Variants in KCNH8 observed in about 807,000 individuals in gnomAD.
KCNH8 encodes potassium voltage-gated channel subfamily H member 8, also known as voltage-gated delayed rectifier potassium channel KCNH8.
KCNH8 carries 70 observed loss-of-function variants against 103.6 expected under a neutral mutation model. That is an observed-to-expected ratio of 0.68 (90% CI 0.56 to 0.82). The LOEUF (loss-of-function observed/expected upper bound fraction) is 0.82, where lower values mean the gene tolerates loss of function less well. KCNH8 is among the 40% of genes least tolerant of loss of function. The pLI is 0.00. For synonymous variants in KCNH8, 498 were observed against 489.4 expected, an observed-to-expected ratio of 1.02 and a Z score of -0.23; for missense variants, 1,217 against 1,329.9, an observed-to-expected ratio of 0.92 and a Z score of 1.32.
intron 5 of KCNH8, among the ~76,000 whole-genome samples, chr3:19,385,927 A>G (rs2125127778): frequency 6.6e-6 from 1 of 152,336 alleles, no homozygotes; most frequent in Admixed American, 6.5e-5. Flanking sequence ...TATGTGGTGC[A>G]TATGCTTTCA....
chr3:19,394,481 GAGAGAA>G (rs2066484641), intron 6 of KCNH8, among the ~76,000 whole-genome samples: 1 of 144,968 alleles, frequency 6.9e-6, no homozygotes, highest in Admixed American at 6.9e-5. Flanking sequence ...AGCGCTGAGA[GAGAGAA>G]AGAGAGAGAG....
intron 5 of KCNH8, among the ~76,000 whole-genome samples, chr3:19,385,137 A>G (rs901218821): frequency 2.6e-5 from 4 of 152,166 alleles, no homozygotes; most frequent in Non-Finnish European, 4.4e-5. Flanking sequence ...GGGAGAGGAC[A>G]ATGTATTCTG....
chr3:19,258,931 C>G (rs1297984890), intron 2 of KCNH8, among the ~76,000 whole-genome samples: 1 of 83,314 alleles, frequency 1.2e-5, no homozygotes, highest in Non-Finnish European at 2.5e-5. Context: ...CTCTCTCTCT[C>G]TCTCTCTCTC....
intron 5 of KCNH8, among the ~76,000 whole-genome samples, chr3:19,385,428 C>A (rs1000342717): frequency 5.3e-5 from 8 of 152,196 alleles, no homozygotes; most frequent in Non-Finnish European, 1.2e-4. Context: ...CCTACAGATA[C>A]AAAGCAAAAG....
At chr3:19,373,640 C>T (rs1271602296) in intron 5 of KCNH8, among the ~76,000 whole-genome samples, 1 of 151,622 alleles carries the variant, frequency 6.6e-6, no homozygotes, top group East Asian at 1.9e-4. Context: ...TTATTTCTTG[C>T]CTTCTGCTAG....
chr3:19,357,985 G>T (rs1467005172), intron 5 of KCNH8, among the ~76,000 whole-genome samples: 1 of 151,760 alleles, frequency 6.6e-6, no homozygotes, highest in Non-Finnish European at 1.5e-5. Flanking sequence ...TTACTGTGCA[G>T]ATTATAAAGG....
intron 10 of KCNH8, among the ~76,000 whole-genome samples, chr3:19,454,144 CTGTGTGTGTGTGTG>C (rs372400109): frequency 0.045 from 5,870 of 131,602 alleles, 248 homozygotes; most frequent in East Asian, 0.25. Context: ...AGTAAGGCTT[CTGTGTGTGTGTGTG>C]TGTGTGTGTG....
Position 19,360,446 on chromosome 3 carries a change from A to G in KCNH8, c.811+12481A>G, listed in dbSNP as rs191115876. Among the ~76,000 whole-genome samples the G allele has an allele frequency of 5.6e-4, 85 of 152,138 alleles. 1 individual carries two copies. Among genetic ancestry groups the G allele is most frequent in the Middle Eastern group, 6.8e-3 (2 of 294 alleles). On this transcript the variant is annotated intron_variant, in intron 5 of 15. Coordinates refer to ENST00000328405, the MANE Select transcript of KCNH8 (RefSeq NM_144633.3). ...TATAGATAAAAGTTATCGTTAACACAATTACTCATATTCTTTTGTATATGT... is the reference window on the plus strand; with the variant it reads ...TATAGATAAAAGTTATCGTTAACACGATTACTCATATTCTTTTGTATATGT...
chr3:19,486,299 G>A (rs1416987662), intron 11 of KCNH8, among the ~76,000 whole-genome samples: 1 of 152,222 alleles, frequency 6.6e-6, no homozygotes. Context: ...GACTTCAATT[G>A]TTATCTGGGG....
chr3:19,411,719 T>A lies in KCNH8; in HGVS notation c.1177+16408T>A, dbSNP rs1465777993. Among the ~76,000 whole-genome samples, 9 of 151,480 alleles carry A rather than the reference T, an allele frequency of 5.9e-5. No homozygotes were observed. The Admixed American group carries it at 5.9e-4, about 10-fold the overall frequency. On this transcript the variant is annotated intron_variant, in intron 7 of 15. Transcript: ENST00000328405. ...TAGTGTGCCTACACACCAGTAATAT[T>A]CAAGCTGAAAGCCAAATCAAGAACA...
At chr3:19,333,665 C>G (rs1243482185) in intron 3 of KCNH8, among the ~76,000 whole-genome samples, 2 of 152,116 alleles carry the variant, frequency 1.3e-5, no homozygotes, top group African/African-American at 4.8e-5. Context: ...AATCCATATA[C>G]TTTTCTTTAA....
chr3:19,400,255 A>AAG (rs1553590184), intron 7 of KCNH8, among the ~76,000 whole-genome samples: 2 of 149,492 alleles, frequency 1.3e-5, no homozygotes, highest in East Asian at 2.0e-4. Flanking sequence ...AAAAAAAAAA[A>AAG]GCATCATAAT....
At chr3:19,450,970 G>T in intron 9 of KCNH8, 185 bp from the exon 10 acceptor site, 1 of 619,042 alleles carries the variant, frequency 1.6e-6, no homozygotes, top group Non-Finnish European at 2.9e-6. Flanking sequence ...TGATTATTCA[G>T]TAGCACATAA....
rs375140547 is a variant in KCNH8, at chr3:19,499,165, C to T, written c.2041-11198C>T. Among the ~76,000 whole-genome samples, 9 of 152,082 alleles carry T rather than the reference C, an allele frequency of 5.9e-5. No homozygotes were observed. The East Asian group carries it at 7.7e-4, about 13-fold the overall frequency. On this transcript the variant is annotated intron_variant, in intron 11 of 15. Transcript: ENST00000328405. ...AATGCAGAAGCCTCAGGAGCCAATG[C>T]GATCAACTGGAAGAAAGGGTATCAG...
At chr3:19,379,663 A>G (rs1252232853) in intron 5 of KCNH8, among the ~76,000 whole-genome samples, 1 of 152,050 alleles carries the variant, frequency 6.6e-6, no homozygotes, top group Non-Finnish European at 1.5e-5. Context: ...AAAGAAAATA[A>G]CATTATCTTG....
intron 1 of KCNH8, among the ~76,000 whole-genome samples, chr3:19,149,232 T>G (rs544809983): frequency 6.6e-6 from 1 of 152,266 alleles, no homozygotes; most frequent in East Asian, 1.9e-4. Flanking sequence ...ATATTTCGGA[T>G]AGGTATGATT....
chr3:19,470,447 C>G (rs1220977414), intron 11 of KCNH8, among the ~76,000 whole-genome samples: 11 of 152,190 alleles, frequency 7.2e-5, no homozygotes, highest in Admixed American at 6.5e-4. Flanking sequence ...AATATGGTCT[C>G]AGACATCAGC....
At chr3:19,380,494 T>C (rs2066273965) in intron 5 of KCNH8, among the ~76,000 whole-genome samples, 1 of 152,202 alleles carries the variant, frequency 6.6e-6, no homozygotes, top group Non-Finnish European at 1.5e-5. Context: ...GCTATTTGGA[T>C]TTTGAATTCT....
Position 19,534,024 on chromosome 3 carries a change from A to G in KCNH8, c.3249A>G (p.Lys1083=). ...NQEGMASAST[K]PLENLPLEVV... The stretch of plus-strand genomic sequence containing the variant: ...AAGGAATGGCATCAGCTTCTACAAA[A>G]CCTTTGGAGAACCTTCCACTGGAAG... Residue 1083 remains lysine, a synonymous_variant, in exon 16 of 16, where the codon AAA becomes AAG. Transcript: ENST00000328405. The G allele has an allele frequency of 5.6e-6, 9 of 1,614,120 alleles. No homozygotes were observed. Among genetic ancestry groups the G allele is most frequent in the Non-Finnish European group, 7.6e-6 (9 of 1,179,988 alleles).
Sources: gnomAD v4.1 joint callset for allele counts (sites outside exome capture counted in the v4.1 genomes callset) on GRCh38, gnomAD v4.1.1 for gene constraint, MANE v1.5 for transcripts, NCBI Gene and HGNC (gene_info 2026-07-23, HGNC 2026-07-21) for gene names.